Variants in GPHN observed in about 807,000 individuals in gnomAD.
GPHN encodes gephyrin.
GPHN carries 17 observed loss-of-function variants against 95.5 expected under a neutral mutation model. The ratio of observed to expected loss-of-function variants is 0.18; its 90% CI spans 0.12 to 0.27. The LOEUF (loss-of-function observed/expected upper bound fraction) is 0.27, where lower values mean the gene tolerates loss of function less well. Ranked by LOEUF, GPHN falls within the 10% of genes least tolerant of loss-of-function variation. The pLI is 1.00. For synonymous variants in GPHN, 320 were observed against 322.5 expected (o/e 0.99, Z 0.08); for missense variants, 660 against 978.1 (o/e 0.67, Z 4.34).
chr14:67,163,847 T>G (rs372177314), intron 19 of GPHN, among the ~76,000 whole-genome samples: 1 of 150,970 alleles, frequency 6.6e-6, no homozygotes, highest in Non-Finnish European at 1.5e-5. Context: ...TAAAGGGTAA[T>G]TAATAGAAAA....
the GPHN span, among the ~76,000 whole-genome samples, chr14:67,711,073 C>T: frequency 1.3e-5 from 2 of 152,164 alleles, no homozygotes; most frequent in African/African-American, 2.4e-5. Context: ...TTGAGAGGAA[C>T]TTAGTTTATA....
the GPHN span, among the ~76,000 whole-genome samples, chr14:67,544,394 T>G: frequency 5.3e-5 from 8 of 152,056 alleles, no homozygotes; most frequent in Non-Finnish European, 1.2e-4. Flanking sequence ...AAAACCTCTC[T>G]GGAGACACAA....
At chr14:66,552,559 T>C (rs894599061) in intron 1 of GPHN, among the ~76,000 whole-genome samples, 2 of 152,190 alleles carry the variant, frequency 1.3e-5, no homozygotes, top group African/African-American at 4.8e-5. Flanking sequence ...TTGATAGAAT[T>C]TGTCTTTGGT....
At chr14:67,713,840 G>A in the GPHN span, among the ~76,000 whole-genome samples, 3 of 152,168 alleles carry the variant, frequency 2.0e-5, no homozygotes, top group Non-Finnish European at 4.4e-5. Flanking sequence ...CTGGAAAGGA[G>A]GGACAACTCG....
chr14:66,995,717 A>G (rs1253669985), intron 9 of GPHN, among the ~76,000 whole-genome samples: 1 of 152,204 alleles, frequency 6.6e-6, no homozygotes, highest in African/African-American at 2.4e-5. Context: ...AATACCAAAA[A>G]TGGAATAGTT....
intron 3 of GPHN, among the ~76,000 whole-genome samples, chr14:66,776,891 T>A (rs952813513): frequency 1.5e-4 from 21 of 140,308 alleles, no homozygotes; most frequent in Admixed American, 5.8e-4. Context: ...GTCTTTTTTT[T>A]AAATTATTAT....
chr14:67,029,552 G>A (rs1463231719), intron 10 of GPHN, among the ~76,000 whole-genome samples: 1 of 152,036 alleles, frequency 6.6e-6, no homozygotes, highest in Non-Finnish European at 1.5e-5. Flanking sequence ...GGCCAGGCTG[G>A]TCTTGAACTC....
At chr14:66,546,884 A>C (rs989797194) in intron 1 of GPHN, among the ~76,000 whole-genome samples, 1 of 152,224 alleles carries the variant, frequency 6.6e-6, no homozygotes, top group African/African-American at 2.4e-5. Flanking sequence ...TCAAGATTGA[A>C]TAGATATTAA....
At chr14:67,456,338 G>A in the GPHN span, among the ~76,000 whole-genome samples, 1 of 152,166 alleles carries the variant, frequency 6.6e-6, no homozygotes, top group Non-Finnish European at 1.5e-5. Flanking sequence ...GGTGGCTCAC[G>A]CCTGAAATCC....
In GPHN at chr14:67,037,243, G is replaced by A. The variant is rs193213648; in HGVS notation, c.1006+13568G>A. ...ACAGCTATTCTCTTTGCAAAAGAACGAAGACAGACCCTTATCTTATACCAT... is the reference window on the plus strand; with the variant it reads ...ACAGCTATTCTCTTTGCAAAAGAACAAAGACAGACCCTTATCTTATACCAT... On this transcript the variant is annotated intron_variant, in intron 10 of 22. Transcript: ENST00000478722. 1.5e-3 allele frequency among the ~76,000 whole-genome samples: 222 copies of A among 152,126 alleles called. 4 individuals carry two copies. Among genetic ancestry groups the A allele is most frequent in the Non-Finnish European group, 2.5e-3 (173 of 67,896 alleles).
chr14:67,233,657 A>G, the GPHN span, among the ~76,000 whole-genome samples: 1 of 152,226 alleles, frequency 6.6e-6, no homozygotes, highest in Non-Finnish European at 1.5e-5. Context: ...ACCTAGTGCA[A>G]CAATCCAGGC....
At chr14:67,494,890 T>C in the GPHN span, among the ~76,000 whole-genome samples, 4 of 152,266 alleles carry the variant, frequency 2.6e-5, no homozygotes, top group Admixed American at 2.6e-4. Context: ...GGTGGGAAGA[T>C]TGCTTGAAGT....
intron 1 of GPHN, among the ~76,000 whole-genome samples, chr14:66,667,257 G>A (rs953023535): frequency 4.6e-5 from 7 of 152,094 alleles, no homozygotes; most frequent in African/African-American, 1.4e-4. Context: ...AACTACCATT[G>A]ACATCTAGTT....
At chr14:67,196,372 A>G in the GPHN span, among the ~76,000 whole-genome samples, 2 of 151,986 alleles carry the variant, frequency 1.3e-5, no homozygotes, top group Admixed American at 6.6e-5. Flanking sequence ...ACCTGTCACC[A>G]TGCCAGGCTA....
At chr14:66,692,158 T>C (rs931546781) in intron 2 of GPHN, among the ~76,000 whole-genome samples, 1 of 152,194 alleles carries the variant, frequency 6.6e-6, no homozygotes, top group Non-Finnish European at 1.5e-5. Flanking sequence ...ATAAAGAGGT[T>C]TGAATATATC....
intron 2 of GPHN, among the ~76,000 whole-genome samples, chr14:66,697,669 TTTTTTTCTTTTTTC>T (rs757502448): frequency 1.5e-5 from 2 of 131,786 alleles, no homozygotes; most frequent in Non-Finnish European, 3.0e-5. Flanking sequence ...TTGCCTTTTT[TTTTTTTCTTTTTTC>T]TTTTTTCTTT....
intron 2 of GPHN, among the ~76,000 whole-genome samples, chr14:66,733,306 C>CT (rs879368479): frequency 0.01 from 1,456 of 142,934 alleles, 12 homozygotes; most frequent in African/African-American, 0.015. Flanking sequence ...AATTAAACCT[C>CT]TTTTTTTTTT....
At chr14:66,833,918 T>C (rs1037929301) in intron 4 of GPHN, among the ~76,000 whole-genome samples, 4 of 152,164 alleles carry the variant, frequency 2.6e-5, no homozygotes, top group African/African-American at 9.6e-5. Context: ...AGTGGAGAAA[T>C]CATAGTATCT....
chr14:67,142,835 T>G (rs2080566976), intron 17 of GPHN, among the ~76,000 whole-genome samples: 1 of 152,176 alleles, frequency 6.6e-6, no homozygotes, highest in East Asian at 1.9e-4. Flanking sequence ...TAACCATTAT[T>G]CCAAGCCTTT....
Sources: gnomAD v4.1 joint callset for allele counts (sites outside exome capture counted in the v4.1 genomes callset) on GRCh38, gnomAD v4.1.1 for gene constraint, MANE v1.5 for transcripts, NCBI Gene and HGNC (gene_info 2026-07-23, HGNC 2026-07-21) for gene names.